Variants in FARP2 observed in about 807,000 individuals in gnomAD.
The protein encoded by FARP2 is FERM, ARHGEF and pleckstrin domain-containing protein 2.
Under a neutral mutation model 130.5 loss-of-function variants are expected in FARP2, and 111 were observed. The ratio of observed to expected loss-of-function variants is 0.85; its 90% CI spans 0.73 to 1.00. The LOEUF (loss-of-function observed/expected upper bound fraction) is 1.00. FARP2 is among the 50% of genes least tolerant of loss of function. The pLI is 0.00. For missense variants in FARP2, 1,385 were observed against 1,346.3 expected (o/e 1.03, Z -0.45); for synonymous variants, 504 against 516.9 (o/e 0.98, Z 0.34).
Position 241,446,551 on chromosome 2 carries a change from A to C in FARP2, c.1411+4995A>C, listed in dbSNP as rs565916261. Reference sequence around the variant, plus strand: ...TGGTTGTGATCACATGGTGACATACATAGCATGTGTGTTCCCAGCTGTTGT... The same window carrying C: ...TGGTTGTGATCACATGGTGACATACCTAGCATGTGTGTTCCCAGCTGTTGT... On this transcript the variant is annotated intron_variant, in intron 13 of 26. Transcript: ENST00000264042. 8 of 152,348 alleles carry C rather than the reference A, an allele frequency of 5.3e-5. No homozygotes were observed. The East Asian group carries it at 1.3e-3, about 26-fold the overall frequency. 9.4% of individuals were successfully genotyped at this position (152,348 alleles called of 1,614,324 possible).
At chr2:241,491,026 A>G (rs749480007) in intron 22 of FARP2, 35 bp from the exon 23 acceptor site, 1 of 1,503,034 alleles carries the variant, frequency 6.7e-7, no homozygotes, top group Non-Finnish European at 9.3e-7. Flanking sequence ...CACAAGGAAG[A>G]GCAGAGCCAC....
At chr2:241,396,538 C>T (rs2062033658) in intron 2 of FARP2, among the ~76,000 whole-genome samples, 1 of 152,176 alleles carries the variant, frequency 6.6e-6, no homozygotes, top group Non-Finnish European at 1.5e-5. Context: ...TGAACAGACA[C>T]TTCTCAAAAG....
chr2:241,361,289 C>T (rs953495847), intron 1 of FARP2, among the ~76,000 whole-genome samples: 1 of 152,144 alleles, frequency 6.6e-6, no homozygotes, highest in Non-Finnish European at 1.5e-5. Context: ...CCCTGGTGAA[C>T]CAGCACAGTG....
chr2:241,441,993 A>G, intron 13 of FARP2: 1 of 359,604 alleles, frequency 2.8e-6, no homozygotes, highest in Non-Finnish European at 5.4e-6. Context: ...TGGAGGCAGT[A>G]GATATGAACA....
chr2:241,451,341 C>T (rs1009660403), intron 13 of FARP2, among the ~76,000 whole-genome samples: 1 of 152,150 alleles, frequency 6.6e-6, no homozygotes, highest in Non-Finnish European at 1.5e-5. Context: ...CAATGAAGCC[C>T]ATTGGTGAAC....
intron 2 of FARP2, among the ~76,000 whole-genome samples, chr2:241,402,853 T>TATATATATATAC (rs2062212624): frequency 1.9e-4 from 2 of 10,562 alleles, no homozygotes; most frequent in East Asian, 2.3e-3. Flanking sequence ...TATATATATA[T>TATATATATATAC]ATATATATAT....
In FARP2 at chr2:241,459,200, G is replaced by T. The variant is rs1225497382; in HGVS notation, c.1587+2278G>T. Reference sequence around the variant, plus strand: ...GGCTGCTGGTTTGACCCAGAGGTAGGTTCCCACCAGAGTACCCCTCTGTGC... The same window carrying T: ...GGCTGCTGGTTTGACCCAGAGGTAGTTTCCCACCAGAGTACCCCTCTGTGC... On this transcript the variant is annotated intron_variant, in intron 14 of 26. Transcript: ENST00000264042. This position sits in a 1 kb window ranked among gnomAD's most constrained non-coding sequence, Gnocchi z 5.3. Among the ~76,000 whole-genome samples the T allele has an allele frequency of 6.6e-6, 1 of 152,222 alleles. No individual in the cohort carries two copies. The highest frequency in any genetic ancestry group is 2.4e-5 in the African/African-American group (1 of 41,462).
Position 241,373,248 on chromosome 2 carries a change from A to C in FARP2, c.141A>C (p.Arg47Ser). 6.5e-7 allele frequency: 1 copy of C among 1,536,840 alleles called. No individual in the cohort carries two copies. The highest frequency in any genetic ancestry group is 1.2e-5 in the South Asian group (1 of 81,772). ...PRMQEKHLHL[R>S]VKLLDNTMEI... ...TGCAAGAGAAGCACCTGCACCTCAG[A>C]GTAAAGCTGCTGGACAACACCATGG... Residue 47 changes from arginine to serine, a missense_variant, in exon 2 of 27, where the codon AGA becomes AGC. By Grantham distance (110) the Arg-to-Ser change is moderately radical. Transcript: ENST00000264042.
intron 2 of FARP2, chr2:241,395,932 A>G (rs1273415784): frequency 1.3e-5 from 2 of 152,228 alleles, no homozygotes; most frequent in African/African-American, 4.8e-5. Context: ...ATCAAAGTTC[A>G]TAATATGGTT....
intron 5 of FARP2, among the ~76,000 whole-genome samples, chr2:241,409,263 C>T (rs185644656): frequency 2.6e-4 from 40 of 151,960 alleles, no homozygotes; most frequent in Non-Finnish European, 5.0e-4. Context: ...CCAAATAAAG[C>T]TAAGGGCCAG....
chr2:241,399,655 T>A (rs1296426966), intron 2 of FARP2, among the ~76,000 whole-genome samples: 1 of 152,206 alleles, frequency 6.6e-6, no homozygotes, highest in Non-Finnish European at 1.5e-5. Context: ...TTTTGTGGCT[T>A]GCCTTTTTCC....
At chr2:241,450,018 A>G (rs1287302564) in intron 13 of FARP2, among the ~76,000 whole-genome samples, 1 of 151,072 alleles carries the variant, frequency 6.6e-6, no homozygotes, top group East Asian at 2.0e-4. Flanking sequence ...AAAAAAAAAA[A>G]AAGAAAATCA....
chr2:241,377,443 G>A (rs2061564854), intron 2 of FARP2, among the ~76,000 whole-genome samples: 3 of 150,992 alleles, frequency 2.0e-5, no homozygotes, highest in African/African-American at 4.9e-5. Context: ...CTGGGTTCAC[G>A]CCATTCTCCT....
intron 21 of FARP2, among the ~76,000 whole-genome samples, chr2:241,484,881 G>C: frequency 6.6e-6 from 1 of 152,268 alleles, no homozygotes; most frequent in South Asian, 2.1e-4. Context: ...TGCCCTGAGC[G>C]TGTCCCTGCA....
At chr2:241,361,779 TC>T (rs2150279386) in intron 1 of FARP2, among the ~76,000 whole-genome samples, 1 of 152,306 alleles carries the variant, frequency 6.6e-6, no homozygotes, top group African/African-American at 2.4e-5. Flanking sequence ...AAGTGAATCT[TC>T]CAGGAGCTAG....
intron 2 of FARP2, among the ~76,000 whole-genome samples, chr2:241,380,406 T>C (rs1408854441): frequency 6.6e-6 from 1 of 152,078 alleles, no homozygotes; most frequent in Non-Finnish European, 1.5e-5. Flanking sequence ...CCATTTTTGA[T>C]CAGGAGAGAA....
At position 241,451,762 on chromosome 2, in the gene FARP2, T is replaced by G. The variant is rs186700423; in HGVS notation, c.1412-4985T>G. Among the ~76,000 whole-genome samples, 1,084 of 152,306 alleles carry G rather than the reference T, an allele frequency of 7.1e-3. 4 individuals carry two copies. The highest frequency in any genetic ancestry group is 0.023 in the African/African-American group (956 of 41,568). ...ATTTTAAAACTTCTCTGCCTTTTTT[T>G]TTCTTTTTTTGAGACACAGTCTCAC... On this transcript the variant is annotated intron_variant, in intron 13 of 26. Coordinates refer to ENST00000264042, the MANE Select transcript of FARP2 (RefSeq NM_014808.4).
At chr2:241,431,573 A>G in intron 8 of FARP2, 106 bp from the exon 9 acceptor site, 3 of 664,916 alleles carry the variant, frequency 4.5e-6, no homozygotes, top group Non-Finnish European at 8.1e-6. Flanking sequence ...TAAAATGCCA[A>G]GTAGAGTGCT....
At chr2:241,461,936 T>A (rs2064030503) in intron 14 of FARP2, among the ~76,000 whole-genome samples, 1 of 152,180 alleles carries the variant, frequency 6.6e-6, no homozygotes, top group African/African-American at 2.4e-5. Flanking sequence ...GAACACTGTG[T>A]TGGGTGAGGT....
Sources: gnomAD v4.1 joint callset for allele counts (sites outside exome capture counted in the v4.1 genomes callset) on GRCh38, gnomAD v4.1.1 for gene constraint, Gnocchi (gnomAD v3.1) non-coding constraint, MANE v1.5 for transcripts, NCBI Gene and HGNC (gene_info 2026-07-23, HGNC 2026-07-21) for gene names.